Variants in REC114 observed in about 807,000 individuals in gnomAD.
REC114 encodes the protein meiotic recombination protein REC114.
REC114 carries 27 observed loss-of-function variants against 31.3 expected under a neutral mutation model. That is an observed-to-expected ratio of 0.86 (90% CI 0.64 to 1.19). REC114 has a LOEUF of 1.19. Among genes scored for constraint, REC114 ranks in the 50% most tolerant of loss-of-function variants. REC114 has a pLI of 0.00. For missense variants in REC114, 344 were observed against 326.9 expected (o/e 1.05, Z -0.40); for synonymous variants, 134 against 127.7 (o/e 1.05, Z -0.33).
In REC114 at chr15:73,505,632, C is replaced by T. The variant is rs375841693; in HGVS notation, c.249+31711C>T. 7.9e-5 allele frequency among the ~76,000 whole-genome samples: 12 copies of T among 152,144 alleles called. No homozygotes were observed. In the East Asian group the frequency reaches 2.3e-3, roughly 30 times the overall value. On this transcript the variant is annotated intron_variant, in intron 2 of 5. Transcript: ENST00000331090. The stretch of plus-strand genomic sequence containing the variant: ...CTGCAAGCTCTGCCTCCTGGGTTCA[C>T]GCCATTCTCCTGCCTCAGCCTCCTG...
rs1566950110 is a variant in REC114 at position 73,551,127 on chromosome 15, A to C, written c.523A>C (p.Lys175Gln). The C allele has an allele frequency of 6.2e-7, 1 of 1,610,468 alleles. No homozygotes were observed. The highest frequency in any genetic ancestry group is 1.1e-5 in the South Asian group (1 of 90,578). Reference sequence around the variant, plus strand: ...TGAAAGTCAAGGGAAGGATTCTGCAAAGAGTGTCCCACGGCAGCCTGGAGT... The same window carrying C: ...TGAAAGTCAAGGGAAGGATTCTGCACAGAGTGTCCCACGGCAGCCTGGAGT... ...ATESQGKDSAKSVPRQPGSHQ... is the reference protein window; with the variant it reads ...ATESQGKDSAQSVPRQPGSHQ... Residue 175 changes from lysine (K) to glutamine (Q), a missense_variant, in exon 4 of 6, where the codon AAG (lysine) becomes CAG (glutamine). By Grantham distance (53) the Lys-to-Gln change is moderately conservative. Coordinates refer to ENST00000331090, the MANE Select transcript of REC114 (RefSeq NM_001042367.2).
chr15:73,460,775 A>C (rs1263145134), intron 1 of REC114, among the ~76,000 whole-genome samples: 1 of 152,200 alleles, frequency 6.6e-6, no homozygotes, highest in Non-Finnish European at 1.5e-5. Flanking sequence ...TTATAGAAAT[A>C]ACCAGAGTGG....
At chr15:73,501,539 G>T (rs1893604023) in intron 2 of REC114, among the ~76,000 whole-genome samples, 1 of 152,108 alleles carries the variant, frequency 6.6e-6, no homozygotes, top group Non-Finnish European at 1.5e-5. Flanking sequence ...CCGCCTCCCA[G>T]GTTCAAGAGA....
chr15:73,478,497 AT>A (rs767494253), intron 2 of REC114, among the ~76,000 whole-genome samples: 4 of 152,000 alleles, frequency 2.6e-5, no homozygotes, highest in African/African-American at 7.2e-5. Flanking sequence ...CTTTGTTGTA[AT>A]TTTTGAAATC....
chr15:73,449,685 A>G (rs72741463), intron 1 of REC114, among the ~76,000 whole-genome samples: 3,132 of 152,310 alleles, frequency 0.021, 58 homozygotes, highest in South Asian at 0.043. Flanking sequence ...ACCCTAAGAC[A>G]TATAATCGTC....
chr15:73,490,421 TA>T lies in REC114; in HGVS notation c.249+16503del, dbSNP rs1454979419. ...TTAGAGTACAATTTATATATAATAA[TA>T]AAGTATCTGGGCGCAGTGGCCCATG... On this transcript the variant is annotated intron_variant, in intron 2 of 5. Transcript: ENST00000331090. Among the ~76,000 whole-genome samples, 222 of 152,320 alleles carry T rather than the reference TA, an allele frequency of 1.5e-3. 1 individual carries two copies. The highest frequency in any genetic ancestry group is 1.5e-3 in the Non-Finnish European group (101 of 68,022).
At chr15:73,448,276 G>A (rs1171317538) in intron 1 of REC114, among the ~76,000 whole-genome samples, 1 of 152,108 alleles carries the variant, frequency 6.6e-6, no homozygotes, top group Non-Finnish European at 1.5e-5. Flanking sequence ...TAGCACAGCA[G>A]TCTGAGGTTG....
At chr15:73,444,585 A>G (rs1892742380) in intron 1 of REC114, among the ~76,000 whole-genome samples, 1 of 152,182 alleles carries the variant, frequency 6.6e-6, no homozygotes, top group African/African-American at 2.4e-5. Context: ...CTTTCAACAC[A>G]TCTGCAGTCC....
intron 3 of REC114, among the ~76,000 whole-genome samples, chr15:73,541,549 G>A (rs1894237234): frequency 6.6e-6 from 1 of 152,100 alleles, no homozygotes; most frequent in African/African-American, 2.4e-5. Flanking sequence ...TGTGCATTTT[G>A]TGTGATTAAA....
At chr15:73,479,314 A>G (rs1236561631) in intron 2 of REC114, among the ~76,000 whole-genome samples, 1 of 149,530 alleles carries the variant, frequency 6.7e-6, no homozygotes, top group Non-Finnish European at 1.5e-5. Flanking sequence ...AATAAAAATT[A>G]TATATATTAA....
chr15:73,548,843 AC>A (rs1172587805), intron 3 of REC114, among the ~76,000 whole-genome samples: 2 of 152,236 alleles, frequency 1.3e-5, no homozygotes, highest in Non-Finnish European at 2.9e-5. Context: ...ACCATGGAGT[AC>A]TATGCAGCCA....
chr15:73,549,635 A>G (rs558424222), intron 3 of REC114, among the ~76,000 whole-genome samples: 25 of 152,322 alleles, frequency 1.6e-4, no homozygotes, highest in Admixed American at 1.4e-3. Flanking sequence ...GAAATTAAAT[A>G]TACATGAGTG....
chr15:73,461,813 CGAAGA>C (rs1435453929), intron 1 of REC114, among the ~76,000 whole-genome samples: 1 of 150,778 alleles, frequency 6.6e-6, no homozygotes, highest in Non-Finnish European at 1.5e-5. Context: ...GCAACTGGAA[CGAAGA>C]GAAGATGTAA....
intron 1 of REC114, among the ~76,000 whole-genome samples, chr15:73,457,640 C>G (rs770278447): frequency 1.3e-5 from 2 of 152,144 alleles, no homozygotes; most frequent in Non-Finnish European, 2.9e-5. Flanking sequence ...TCCTTTATTA[C>G]GTGATACCTA....
At chr15:73,549,601 C>T (rs139182507) in intron 3 of REC114, among the ~76,000 whole-genome samples, 1 of 152,214 alleles carries the variant, frequency 6.6e-6, no homozygotes, top group African/African-American at 2.4e-5. Flanking sequence ...TAAATATATA[C>T]ACACCTATGT....
At chr15:73,534,531 A>G (rs1894129262) in intron 2 of REC114, among the ~76,000 whole-genome samples, 1 of 152,180 alleles carries the variant, frequency 6.6e-6, no homozygotes, top group South Asian at 2.1e-4. Flanking sequence ...AATTGTGGCA[A>G]TAATCAATAG....
rs199959284 is a variant in REC114 at position 73,486,688 on chromosome 15, C to T, written c.249+12767C>T. Among the ~76,000 whole-genome samples the T allele has an allele frequency of 1.4e-4, 21 of 152,300 alleles. No homozygotes were observed. The East Asian group carries it at 3.1e-3, about 22-fold the overall frequency. ...ACTTCCAAATGGTGCCTTGTTGCTG[C>T]ATCCTCCATAGGGGAGGACTGCGGT... On this transcript the variant is annotated intron_variant, in intron 2 of 5. Coordinates refer to ENST00000331090, the MANE Select transcript of REC114 (RefSeq NM_001042367.2).
chr15:73,536,746 C>A (rs77025918), intron 2 of REC114, among the ~76,000 whole-genome samples: 2,135 of 152,264 alleles, frequency 0.014, 27 homozygotes, highest in East Asian at 0.053. Context: ...GAATTTTGAA[C>A]ATTAGCATAA....
intron 2 of REC114, among the ~76,000 whole-genome samples, chr15:73,479,274 C>CT (rs1049442245): frequency 6.7e-6 from 1 of 149,776 alleles, no homozygotes; most frequent in African/African-American, 2.4e-5. Flanking sequence ...TGTTTTTTCC[C>CT]TTTGAGCTTC....
Sources: gnomAD v4.1 joint callset for allele counts (sites outside exome capture counted in the v4.1 genomes callset) on GRCh38, gnomAD v4.1.1 for gene constraint, MANE v1.5 for transcripts, NCBI Gene and HGNC (gene_info 2026-07-23, HGNC 2026-07-21) for gene names.